The following ABLIM1 variants were observed in gnomAD, a reference collection of about 807,000 sequenced individuals.
The protein encoded by ABLIM1 is actin-binding LIM protein 1.
ABLIM1 carries 40 observed loss-of-function variants against 107.0 expected under a neutral mutation model. The ratio of observed to expected loss-of-function variants is 0.37; its 90% CI spans 0.29 to 0.49. The LOEUF is 0.49. ABLIM1 is among the 20% of genes least tolerant of loss of function. The pLI is 0.97. For missense variants in ABLIM1, 857 were observed against 1,008.5 expected (o/e 0.85, Z 2.04); for synonymous variants, 357 against 357.3 (o/e 1.00, Z 0.01).
chr10:114,527,719 G>A (rs567428954), intron 6 of ABLIM1, among the ~76,000 whole-genome samples: 38 of 145,904 alleles, frequency 2.6e-4, no homozygotes, highest in Non-Finnish European at 4.3e-4. Flanking sequence ...GCAGTGGCAC[G>A]ATCATAGCGC....
chr10:114,475,095 A>G (rs1298140481), intron 8 of ABLIM1, among the ~76,000 whole-genome samples: 2 of 152,172 alleles, frequency 1.3e-5, no homozygotes, highest in Non-Finnish European at 2.9e-5. Context: ...TAACAGAAGC[A>G]TCCATTCAGA....
chr10:114,568,252 T>G (rs2071093746), intron 4 of ABLIM1, among the ~76,000 whole-genome samples: 1 of 144,658 alleles, frequency 6.9e-6, no homozygotes, highest in Non-Finnish European at 1.5e-5. Flanking sequence ...GAAGTTTTAC[T>G]AAGTTTAAAA....
At chr10:114,453,724 G>A (rs1405553895) in intron 12 of ABLIM1, among the ~76,000 whole-genome samples, 3 of 152,174 alleles carry the variant, frequency 2.0e-5, no homozygotes, top group Non-Finnish European at 2.9e-5. Flanking sequence ...GGTCAGGTGC[G>A]TCATTCCAAT....
intron 1 of ABLIM1, among the ~76,000 whole-genome samples, chr10:114,607,420 A>C (rs2076497524): frequency 6.6e-6 from 1 of 152,148 alleles, no homozygotes; most frequent in South Asian, 2.1e-4. Flanking sequence ...GGTGCAGCCT[A>C]ACTCCCCACT....
intron 12 of ABLIM1, among the ~76,000 whole-genome samples, chr10:114,460,885 G>A (rs527714543): frequency 1.3e-5 from 2 of 152,294 alleles, no homozygotes; most frequent in Non-Finnish European, 1.5e-5. Context: ...TGGACACTTT[G>A]TGCTGTGTTA....
chr10:114,788,893 T>C, the ABLIM1 span, among the ~76,000 whole-genome samples: 4 of 152,194 alleles, frequency 2.6e-5, no homozygotes, highest in Non-Finnish European at 5.9e-5. Context: ...AAATTATTCA[T>C]TGTTTATCTG....
chr10:114,439,448 T>A (rs2059895018), intron 20 of ABLIM1, among the ~76,000 whole-genome samples, 198 bp from the exon 21 acceptor site: 1 of 152,216 alleles, frequency 6.6e-6, no homozygotes, highest in African/African-American at 2.4e-5. Flanking sequence ...GCAATCAAGT[T>A]GGGGAGAGAT....
At chr10:114,693,120 C>A (rs2081118514) in intron 1 of ABLIM1, among the ~76,000 whole-genome samples, 1 of 152,110 alleles carries the variant, frequency 6.6e-6, no homozygotes, top group Non-Finnish European at 1.5e-5. Context: ...ATTATCTAGG[C>A]CAGCTGTTTT....
rs911618752 is a variant in ABLIM1 at position 114,462,358 on chromosome 10, A to C, written c.1441+3340T>G. On this transcript the variant is annotated intron_variant, in intron 12 of 22. Coordinates refer to ENST00000533213, the MANE Select transcript of ABLIM1 (RefSeq NM_002313.7). ...ATTATGACCCCTTTGTAGCCTCTTCAGGGTTCTCGGCTCCCCCAGTGTGGA... is the reference window on the plus strand; with the variant it reads ...ATTATGACCCCTTTGTAGCCTCTTCCGGGTTCTCGGCTCCCCCAGTGTGGA... 2.0e-5 allele frequency among the ~76,000 whole-genome samples: 3 copies of C among 152,292 alleles called. No homozygotes were observed. The South Asian group carries it at 6.2e-4, about 32-fold the overall frequency.
At chr10:114,479,331 G>A (rs2056987206) in intron 8 of ABLIM1, among the ~76,000 whole-genome samples, 1 of 152,130 alleles carries the variant, frequency 6.6e-6, no homozygotes, top group South Asian at 2.1e-4. Flanking sequence ...TCATACGTGA[G>A]CTACACAGAA....
At position 114,447,870 on chromosome 10, in the gene ABLIM1, A is replaced by G; in HGVS notation, c.1735+10T>C. The G allele has an allele frequency of 6.2e-7, 1 of 1,613,988 alleles. No individual in the cohort carries two copies. The highest frequency in any genetic ancestry group is 8.5e-7 in the Non-Finnish European group (1 of 1,179,958). ...TTTGTCCCTTTGACTTAGCCGTGACAGTTGCATACCTACGACAGCAAATGA... is the reference window on the plus strand; with the variant it reads ...TTTGTCCCTTTGACTTAGCCGTGACGGTTGCATACCTACGACAGCAAATGA... On this transcript the variant is annotated intron_variant, in intron 15 of 22. Coordinates refer to ENST00000533213, the MANE Select transcript of ABLIM1 (RefSeq NM_002313.7).
In ABLIM1 at chr10:114,620,512, C is replaced by T. The variant is rs180865725; in HGVS notation, c.245-18551G>A. Among the ~76,000 whole-genome samples the T allele has an allele frequency of 9.1e-4, 138 of 152,194 alleles. No homozygotes were observed. The Middle Eastern group carries it at 0.01, about 11-fold the overall frequency. On this transcript the variant is annotated intron_variant, in intron 1 of 22. Coordinates refer to ENST00000533213, the MANE Select transcript of ABLIM1 (RefSeq NM_002313.7). ...GCAACCTCCACCTCCTGGGTTCAAGCGATTCTTCTGCCTCAGCCTCCCGAG... is the reference window on the plus strand; with the variant it reads ...GCAACCTCCACCTCCTGGGTTCAAGTGATTCTTCTGCCTCAGCCTCCCGAG...
At chr10:114,507,626 C>T (rs973868150) in intron 6 of ABLIM1, among the ~76,000 whole-genome samples, 3 of 152,182 alleles carry the variant, frequency 2.0e-5, no homozygotes, top group Non-Finnish European at 2.9e-5. Flanking sequence ...GGGCACCCTG[C>T]CAGCCACACC....
rs746889426 is a variant in ABLIM1, at chr10:114,658,126, C to T, written c.75G>A (p.Glu25=). 15 of 1,614,170 alleles carry T rather than the reference C, an allele frequency of 9.3e-6. No individual in the cohort carries two copies. Among genetic ancestry groups the T allele is most frequent in the Non-Finnish European group, 1.3e-5 (15 of 1,179,996 alleles). The stretch of plus-strand genomic sequence containing the variant: ...TGTTCGAGCCCCTGGCACTGGTTCT[C>T]TCAGATGAGGTGACTTTGCTTTTCT... ...SSEKSKVTSS[E]RTSARGSNRK... The change falls in exon 1 of 23, where the codon GAG becomes GAA. Residue 25 remains glutamate (E), a synonymous_variant. Transcript: ENST00000533213.
chr10:114,653,062 A>G (rs1297876316), intron 1 of ABLIM1, among the ~76,000 whole-genome samples: 1 of 152,218 alleles, frequency 6.6e-6, no homozygotes, highest in Non-Finnish European at 1.5e-5. Context: ...GCTGAGGCAG[A>G]GTGACATCAT....
chr10:114,620,534 C>T (rs2077403189), intron 1 of ABLIM1, among the ~76,000 whole-genome samples: 1 of 152,056 alleles, frequency 6.6e-6, no homozygotes, highest in Non-Finnish European at 1.5e-5. Context: ...CTCAGCCTCC[C>T]GAGTAGCTGG....
At chr10:114,644,419 T>G (rs2078923260) in intron 1 of ABLIM1, among the ~76,000 whole-genome samples, 1 of 150,054 alleles carries the variant, frequency 6.7e-6, no homozygotes. Flanking sequence ...TATTTCCTGT[T>G]ATTTAACCTG....
chr10:114,601,327 CA>C (rs948606738), intron 2 of ABLIM1, among the ~76,000 whole-genome samples: 2 of 150,516 alleles, frequency 1.3e-5, no homozygotes, highest in Non-Finnish European at 2.9e-5. Flanking sequence ...TGCAATGACA[CA>C]ATCTCAGCTC....
chr10:114,473,392 A>G (rs1189549102), intron 9 of ABLIM1, among the ~76,000 whole-genome samples: 1 of 152,228 alleles, frequency 6.6e-6, no homozygotes, highest in Non-Finnish European at 1.5e-5. Context: ...AACCTTAAGG[A>G]TAATTTCCTG....
Sources: allele counts gnomAD v4.1 joint callset (sites outside exome capture counted in the v4.1 genomes callset), GRCh38; gene constraint gnomAD v4.1.1; transcripts MANE v1.5; gene names NCBI Gene and HGNC (gene_info 2026-07-23, HGNC 2026-07-21).